ASTN2: variants seen among roughly 807,000 people sequenced by gnomAD.
ASTN2 encodes astrotactin 2, also known as astrotactin-2.
A neutral mutation model predicts 139.8 loss-of-function variants in ASTN2; 54 were observed. The observed-to-expected ratio is 0.39, with a 90% confidence interval of 0.31 to 0.48. ASTN2 has a LOEUF of 0.48. ASTN2 is among the 20% of genes least tolerant of loss of function. The probability of loss-of-function intolerance (pLI) is 0.95; values close to 1 mark genes in which losing one functional copy is unlikely to be tolerated. For synonymous variants in ASTN2, 756 were observed against 719.5 expected (o/e 1.05, Z -0.81); for missense variants, 1,565 against 1,725.1 (o/e 0.91, Z 1.64).
chr9:116,574,860 C>T (rs536036146), intron 19 of ASTN2, among the ~76,000 whole-genome samples: 1 of 152,304 alleles, frequency 6.6e-6, no homozygotes, highest in East Asian at 1.9e-4. Context: ...ACTTCAGTAA[C>T]CCTCCAACTG....
At chr9:116,795,325 C>T (rs776669691) in intron 13 of ASTN2, among the ~76,000 whole-genome samples, 12 of 152,232 alleles carry the variant, frequency 7.9e-5, no homozygotes, top group Non-Finnish European at 1.5e-4. Context: ...GAGATTAGCA[C>T]ACCACTGCAA....
intron 1 of ASTN2, among the ~76,000 whole-genome samples, chr9:117,366,383 T>C (rs902854429): frequency 4.6e-5 from 7 of 152,118 alleles, no homozygotes; most frequent in African/African-American, 1.7e-4. Flanking sequence ...ATCAACCCTG[T>C]GTGGGAAGCA....
chr9:117,375,452 G>A (rs2900139), intron 1 of ASTN2, among the ~76,000 whole-genome samples: 114,052 of 152,178 alleles, frequency 0.75, 43,070 homozygotes, highest in East Asian at 0.98. Flanking sequence ...GTTCACAGTC[G>A]TAGGTCAAGG....
At chr9:117,372,359 T>A (rs899431783) in intron 1 of ASTN2, among the ~76,000 whole-genome samples, 4 of 152,124 alleles carry the variant, frequency 2.6e-5, no homozygotes, top group Non-Finnish European at 4.4e-5. Flanking sequence ...AGTTAGCAAG[T>A]CTTACCAAAC....
chr9:116,441,608 T>C lies in ASTN2; in HGVS notation c.3599-816A>G, dbSNP rs1036525271. Among the ~76,000 whole-genome samples, 63 of 152,250 alleles carry C rather than the reference T, an allele frequency of 4.1e-4. 1 individual carries two copies. Among genetic ancestry groups the C allele is most frequent in the African/African-American group, 1.4e-3 (59 of 41,562 alleles). ...GAATCCCCTCCCCTTTGGTAGCACA[T>C]AAAACATTTATAATTGAGTTTATTA... On this transcript the variant is annotated intron_variant, in intron 21 of 22. Transcript: ENST00000313400.
chr9:116,860,636 T>C (rs983799596), intron 11 of ASTN2, among the ~76,000 whole-genome samples: 1 of 152,092 alleles, frequency 6.6e-6, no homozygotes, highest in African/African-American at 2.4e-5. Flanking sequence ...CAGCTCCCAG[T>C]GTGGGAAAGC....
intron 11 of ASTN2, among the ~76,000 whole-genome samples, chr9:116,834,589 T>C (rs764925216): frequency 9.9e-5 from 15 of 152,220 alleles, no homozygotes; most frequent in Non-Finnish European, 2.1e-4. Flanking sequence ...CTGTTATTAA[T>C]ATAGCTACTC....
intron 12 of ASTN2, among the ~76,000 whole-genome samples, chr9:116,816,503 G>C (rs1402327237): frequency 6.6e-6 from 1 of 152,126 alleles, no homozygotes; most frequent in Non-Finnish European, 1.5e-5. Flanking sequence ...CCTAATAAAA[G>C]ACCAGGCACA....
chr9:116,848,071 A>C (rs553958632), intron 11 of ASTN2, among the ~76,000 whole-genome samples: 2 of 152,306 alleles, frequency 1.3e-5, no homozygotes, highest in Admixed American at 1.3e-4. Flanking sequence ...AGGCGCTGGG[A>C]GGAAAATGAA....
intron 22 of ASTN2, among the ~76,000 whole-genome samples, chr9:116,435,929 G>A (rs1847636551): frequency 6.6e-6 from 1 of 152,114 alleles, no homozygotes; most frequent in South Asian, 2.1e-4. Flanking sequence ...AATTTGGAAT[G>A]TAACAAGTCC....
intron 9 of ASTN2, 21 bp from the exon 10 acceptor site, chr9:116,975,366 T>C (rs779667492): frequency 1.8e-5 from 29 of 1,581,804 alleles, no homozygotes; most frequent in East Asian, 6.8e-5. Flanking sequence ...AGAGTTTCCA[T>C]TGGGGAACTC....
At chr9:117,080,451 G>A (rs1008300881) in intron 5 of ASTN2, among the ~76,000 whole-genome samples, 5 of 152,042 alleles carry the variant, frequency 3.3e-5, no homozygotes, top group African/African-American at 1.2e-4. Context: ...CAAGAAAAAT[G>A]TACAGTGTCA....
At chr9:116,775,601 G>GGA (rs1830063960) in intron 13 of ASTN2, among the ~76,000 whole-genome samples, 1 of 59,784 alleles carries the variant, frequency 1.7e-5, no homozygotes, top group Non-Finnish European at 3.2e-5. Context: ...GGGAGGGAGG[G>GGA]AGGGAAAGAA....
intron 20 of ASTN2, among the ~76,000 whole-genome samples, chr9:116,480,353 A>C (rs570271810): frequency 6.6e-6 from 1 of 152,334 alleles, no homozygotes; most frequent in East Asian, 1.9e-4. Flanking sequence ...ATTTGGTGAG[A>C]AAGTGAGTAG....
chr9:116,632,252 G>GAAAGAAGGAAAGAAAGAAAGAAAGAAA (rs1856833378), intron 17 of ASTN2, among the ~76,000 whole-genome samples: 1 of 70,914 alleles, frequency 1.4e-5, no homozygotes, highest in Admixed American at 1.4e-4. Flanking sequence ...AAAGAAAGAA[G>GAAAGAAGGAAAGAAAGAAAGAAAGAAA]GAAAGAAAGA....
At chr9:116,753,581 AAG>A (rs1421057546) in intron 13 of ASTN2, among the ~76,000 whole-genome samples, 4 of 152,232 alleles carry the variant, frequency 2.6e-5, no homozygotes, top group African/African-American at 9.6e-5. Context: ...GGTGAATAAT[AAG>A]AGGAGAAACT....
chr9:116,706,754 G>A (rs1223771957), intron 16 of ASTN2, among the ~76,000 whole-genome samples: 1 of 141,316 alleles, frequency 7.1e-6, no homozygotes, highest in Non-Finnish European at 1.5e-5. Flanking sequence ...ACTCTTGCTG[G>A]CTAGAATTTT....
intron 13 of ASTN2, among the ~76,000 whole-genome samples, chr9:116,773,680 C>T (rs1830009921): frequency 6.9e-6 from 1 of 145,628 alleles, no homozygotes. Flanking sequence ...TCCCATCTTC[C>T]CTTGCAGTAA....
intron 19 of ASTN2, among the ~76,000 whole-genome samples, chr9:116,543,298 A>G (rs977607836): frequency 6.6e-6 from 1 of 151,376 alleles, no homozygotes; most frequent in Admixed American, 6.6e-5. Context: ...TTAGCTGGGC[A>G]TGGTGGCGTG....
Sources: allele counts gnomAD v4.1 joint callset (sites outside exome capture counted in the v4.1 genomes callset), GRCh38; gene constraint gnomAD v4.1.1; transcripts MANE v1.5; gene names NCBI Gene and HGNC (gene_info 2026-07-23, HGNC 2026-07-21).